Variants in COX16 observed in about 807,000 individuals in gnomAD.
COX16 encodes the protein cytochrome c oxidase assembly protein COX16 homolog, mitochondrial.
Under a neutral mutation model 15.4 loss-of-function variants are expected in COX16, and 12 were observed. The ratio of observed to expected loss-of-function variants is 0.78; its 90% CI spans 0.50 to 1.26. COX16 has a LOEUF of 1.26. Ranked by LOEUF, COX16 falls within the 50% of genes most tolerant of loss-of-function variation. The probability of loss-of-function intolerance (pLI) is 0.00; values close to 1 mark genes in which losing one functional copy is unlikely to be tolerated. For synonymous variants in COX16, 46 were observed against 41.1 expected, an observed-to-expected ratio of 1.12 and a Z score of -0.46; for missense variants, 124 against 127.6, an observed-to-expected ratio of 0.97 and a Z score of 0.14.
intron 2 of COX16, among the ~76,000 whole-genome samples, chr14:70,330,244 G>C (rs77420988): frequency 0.029 from 4,401 of 152,136 alleles, 82 homozygotes; most frequent in African/African-American, 0.049. Context: ...ATAATAATAT[G>C]AATAATTTTA....
At chr14:70,353,718 T>C (rs1418077455) in intron 1 of COX16, among the ~76,000 whole-genome samples, 1 of 152,096 alleles carries the variant, frequency 6.6e-6, no homozygotes, top group Non-Finnish European at 1.5e-5. Flanking sequence ...TTTCACCATA[T>C]TGGCCAGGAT....
At chr14:70,358,371 A>ATTTTTTTTTTTTTTTTTTTTTTTTTT in intron 1 of COX16, among the ~76,000 whole-genome samples, 1 of 94,076 alleles carries the variant, frequency 1.1e-5, no homozygotes, top group Non-Finnish European at 2.0e-5. Flanking sequence ...AAAAACAACA[A>ATTTTTTTTTTTTTTTTTTTTTTTTTT]TTTTTTTTTT....
At chr14:70,357,859 A>G (rs1887178564) in intron 1 of COX16, among the ~76,000 whole-genome samples, 1 of 152,234 alleles carries the variant, frequency 6.6e-6, no homozygotes, top group African/African-American at 2.4e-5. Context: ...TTGAAGAGTT[A>G]CCATATGACC....
Position 70,328,072 on chromosome 14 carries a change from A to ATTTTTTTTTTTTTTTTTTTTTTTTTT in COX16, c.204+1101_204+1102insAAAAAAAAAAAAAAAAAAAAAAAAAA, listed in dbSNP as rs77655575. 13 of 80,838 alleles carry ATTTTTTTTTTTTTTTTTTTTTTTTTT rather than the reference A, an allele frequency of 1.6e-4. 2 individuals are homozygous for ATTTTTTTTTTTTTTTTTTTTTTTTTT. In the East Asian group the frequency reaches 2.3e-3, roughly 14 times the overall value. 5.0% of individuals were successfully genotyped at this position (80,838 alleles called of 1,614,324 possible). A position where few individuals can be genotyped will look rare whatever the true frequency, so the allele number is the denominator to read the frequency against. ...AGTAAAAATTATGCCTGAGAATAAG[A>ATTTTTTTTTTTTTTTTTTTTTTTTTT]TTTTTTTTTTTTTTTTTTTTTTTTT... On this transcript the variant is annotated intron_variant, in intron 3 of 3. Transcript: ENST00000389912.
chr14:70,343,765 A>G lies in COX16; in HGVS notation c.70-1036T>C, dbSNP rs189571263. On this transcript the variant is annotated intron_variant, in intron 1 of 3. Coordinates refer to ENST00000389912, the MANE Select transcript of COX16 (RefSeq NM_016468.7). ...AGTATTTTCAAAAGATTTAAACTTC[A>G]TAATAAAGAATTGTAACCACCGAAT... is the stretch of plus-strand genomic sequence containing the variant. Among the ~76,000 whole-genome samples, 10 of 152,334 alleles carry G rather than the reference A, an allele frequency of 6.6e-5. No homozygotes were observed. The East Asian group carries it at 1.7e-3, about 26-fold the overall frequency.
chr14:70,327,634 T>C (rs891116878), intron 3 of COX16, among the ~76,000 whole-genome samples: 6 of 152,220 alleles, frequency 3.9e-5, no homozygotes, highest in Admixed American at 1.3e-4. Flanking sequence ...AGTATAGTTA[T>C]GAAATGATCT....
intron 2 of COX16, 50 bp downstream of exon 2, chr14:70,342,608 A>G: frequency 6.4e-7 from 1 of 1,573,438 alleles, no homozygotes; most frequent in Non-Finnish European, 8.6e-7. Flanking sequence ...CTCCTAAACC[A>G]GAACATACAT....
At chr14:70,346,208 T>C (rs1028671133) in intron 1 of COX16, among the ~76,000 whole-genome samples, 8 of 152,248 alleles carry the variant, frequency 5.3e-5, no homozygotes, top group African/African-American at 1.9e-4. Flanking sequence ...AGAAGCTTGA[T>C]GATGGCCCTC....
At chr14:70,343,341 G>A (rs752492691) in intron 1 of COX16, among the ~76,000 whole-genome samples, 1 of 152,192 alleles carries the variant, frequency 6.6e-6, no homozygotes, top group Non-Finnish European at 1.5e-5. Context: ...CTGGTTCTGA[G>A]TGCTGCCTGA....
chr14:70,343,259 T>C (rs1022924549), intron 1 of COX16, among the ~76,000 whole-genome samples: 3 of 152,208 alleles, frequency 2.0e-5, no homozygotes, highest in Non-Finnish European at 2.9e-5. Context: ...CCAACCAAGC[T>C]ATTTCTGTAC....
At chr14:70,343,787 G>A (rs550940567) in intron 1 of COX16, among the ~76,000 whole-genome samples, 7 of 152,218 alleles carry the variant, frequency 4.6e-5, no homozygotes, top group East Asian at 1.9e-4. Context: ...TGTAACCACC[G>A]AATGGGTTCA....
At chr14:70,337,866 G>A (rs1393577327) in intron 2 of COX16, among the ~76,000 whole-genome samples, 1 of 151,780 alleles carries the variant, frequency 6.6e-6, no homozygotes, top group Non-Finnish European at 1.5e-5. Context: ...AAGAGGTTTA[G>A]TGACTAGAAG....
chr14:70,338,902 G>A (rs2140709400), intron 2 of COX16, among the ~76,000 whole-genome samples: 1 of 152,252 alleles, frequency 6.6e-6, no homozygotes, highest in South Asian at 2.1e-4. Context: ...TGTGCAGTAT[G>A]CTCCGTTTTG....
At chr14:70,330,243 T>A (rs901560900) in intron 2 of COX16, among the ~76,000 whole-genome samples, 1 of 152,160 alleles carries the variant, frequency 6.6e-6, no homozygotes, top group African/African-American at 2.4e-5. Context: ...TATAATAATA[T>A]GAATAATTTT....
chr14:70,346,453 G>A lies in COX16; in HGVS notation c.70-3724C>T, dbSNP rs539935962. Among the ~76,000 whole-genome samples the A allele has an allele frequency of 5.3e-5, 8 of 152,316 alleles. No individual in the cohort carries two copies. The East Asian group carries it at 1.4e-3, about 26-fold the overall frequency. ...CCAGACAATGCCCAAATCCAGGTAA[G>A]CCCACCAGGCCATGCCCCCTCTGCA... On this transcript the variant is annotated intron_variant, in intron 1 of 3. Transcript: ENST00000389912.
intron 1 of COX16, among the ~76,000 whole-genome samples, chr14:70,353,326 G>T (rs2140753095): frequency 6.7e-6 from 1 of 149,174 alleles, no homozygotes; most frequent in South Asian, 2.1e-4. Flanking sequence ...GAAGCTGAAA[G>T]ATGTAGCCAT....
chr14:70,332,813 C>T (rs955272155), intron 2 of COX16, among the ~76,000 whole-genome samples: 9 of 152,238 alleles, frequency 5.9e-5, no homozygotes, highest in African/African-American at 1.9e-4. Flanking sequence ...GTCAAGAACC[C>T]ATCCTGCCTA....
intron 1 of COX16, among the ~76,000 whole-genome samples, chr14:70,352,676 C>T (rs1265480745): frequency 2.4e-5 from 3 of 122,558 alleles, no homozygotes; most frequent in Non-Finnish European, 4.9e-5. Context: ...GACAGAGTCT[C>T]GCTCTGTCAC....
At chr14:70,337,751 T>C (rs914375453) in intron 2 of COX16, among the ~76,000 whole-genome samples, 18 of 152,256 alleles carry the variant, frequency 1.2e-4, no homozygotes, top group African/African-American at 3.6e-4. Flanking sequence ...TCCAGACTAC[T>C]AGAATGTGTA....
Sources: allele counts gnomAD v4.1 joint callset (sites outside exome capture counted in the v4.1 genomes callset), GRCh38; gene constraint gnomAD v4.1.1; transcripts MANE v1.5; gene names NCBI Gene and HGNC (gene_info 2026-07-23, HGNC 2026-07-21).